Variants in ESRRG observed in about 807,000 individuals in gnomAD.
ESRRG encodes the protein estrogen related receptor gamma, also known as estrogen-related receptor gamma.
Under a neutral mutation model 44.0 loss-of-function variants are expected in ESRRG, and 13 were observed. The ratio of observed to expected loss-of-function variants is 0.30; its 90% confidence interval spans 0.19 to 0.47. The LOEUF is 0.47. ESRRG is among the 20% of genes least tolerant of loss of function. The pLI is 1.00. For missense variants in ESRRG, 395 were observed against 580.6 expected, an observed-to-expected ratio of 0.68 and a Z score of 3.29; for synonymous variants, 215 against 214.6, an observed-to-expected ratio of 1.00 and a Z score of -0.02.
chr1:216,913,739 G>T (rs979220535), intron 2 of ESRRG, among the ~76,000 whole-genome samples: 2 of 152,188 alleles, frequency 1.3e-5, no homozygotes, highest in Admixed American at 6.5e-5. Flanking sequence ...GATGTAGTGC[G>T]TGTGATAAGC....
intron 5 of ESRRG, among the ~76,000 whole-genome samples, chr1:216,563,043 G>T (rs1022689842): frequency 6.6e-6 from 1 of 152,074 alleles, no homozygotes; most frequent in African/African-American, 2.4e-5. Flanking sequence ...TTTATATGTA[G>T]TAATCCTTGT....
chr1:216,678,351 C>A (rs2076464552), intron 1 of ESRRG, among the ~76,000 whole-genome samples: 1 of 152,124 alleles, frequency 6.6e-6, no homozygotes, highest in Non-Finnish European at 1.5e-5. Context: ...CCTGTAAGTC[C>A]ACAAATCTGA....
intron 2 of ESRRG, among the ~76,000 whole-genome samples, chr1:216,832,969 A>G (rs533778863): frequency 5.6e-5 from 8 of 141,744 alleles, no homozygotes; most frequent in Non-Finnish European, 1.1e-4. Flanking sequence ...AGTGGGACTC[A>G]GTCAAAAAAA....
chr1:216,524,295 T>A (rs546546206), intron 5 of ESRRG, among the ~76,000 whole-genome samples: 133 of 141,744 alleles, frequency 9.4e-4, no homozygotes, highest in Non-Finnish European at 1.5e-3. Context: ...TATATATATA[T>A]ATACACACAC....
At chr1:216,785,655 C>T (rs569990450) in intron 2 of ESRRG, among the ~76,000 whole-genome samples, 6 of 152,008 alleles carry the variant, frequency 3.9e-5, no homozygotes, top group African/African-American at 7.2e-5. Context: ...CTGCATTCTC[C>T]GCAAGAGAAG....
At chr1:216,711,275 T>C (rs563100769) in intron 1 of ESRRG, among the ~76,000 whole-genome samples, 2 of 152,264 alleles carry the variant, frequency 1.3e-5, no homozygotes, top group Admixed American at 6.5e-5. Context: ...CTGGGGCACC[T>C]TTCCTGACTG....
At chr1:217,122,664 C>T (rs923134807) in intron 1 of ESRRG, among the ~76,000 whole-genome samples, 3 of 87,340 alleles carry the variant, frequency 3.4e-5, no homozygotes, top group African/African-American at 1.4e-4. Flanking sequence ...GACACACACA[C>T]TTTTTTTTTT....
chr1:216,659,276 C>T (rs1410697702), intron 2 of ESRRG, among the ~76,000 whole-genome samples: 1 of 152,126 alleles, frequency 6.6e-6, no homozygotes, highest in Non-Finnish European at 1.5e-5. Context: ...ATGAATATGC[C>T]ATTCACTCAG....
intron 1 of ESRRG, among the ~76,000 whole-genome samples, chr1:217,046,507 C>G (rs1157895352): frequency 6.6e-6 from 1 of 152,104 alleles, no homozygotes; most frequent in African/African-American, 2.4e-5. Flanking sequence ...AGCTTCATCT[C>G]TCATCAAGAA....
At chr1:216,939,515 G>A (rs1192373680) in intron 2 of ESRRG, 3 of 152,076 alleles carry the variant, frequency 2.0e-5, no homozygotes, top group East Asian at 1.9e-4. Context: ...TGTGTATCAC[G>A]TGGCATTATG....
intron 2 of ESRRG, among the ~76,000 whole-genome samples, chr1:216,827,500 T>C (rs1177505142): frequency 6.6e-6 from 1 of 152,200 alleles, no homozygotes; most frequent in African/African-American, 2.4e-5. Flanking sequence ...TTTCATCATC[T>C]ATAAAACAGG....
intron 1 of ESRRG, among the ~76,000 whole-genome samples, chr1:217,104,412 T>C (rs900334469): frequency 6.6e-6 from 1 of 152,202 alleles, no homozygotes; most frequent in Non-Finnish European, 1.5e-5. Context: ...GAAGCCTGGA[T>C]TCAGAAAGCC....
chr1:217,052,731 G>T (rs935395985), intron 1 of ESRRG, among the ~76,000 whole-genome samples: 4 of 152,116 alleles, frequency 2.6e-5, no homozygotes, highest in Admixed American at 1.3e-4. Flanking sequence ...TCCTATTGGG[G>T]TGAGGGATAA....
At chr1:216,599,129 T>A (rs561364936) in intron 3 of ESRRG, among the ~76,000 whole-genome samples, 19 of 152,110 alleles carry the variant, frequency 1.2e-4, no homozygotes, top group African/African-American at 4.6e-4. Context: ...ATATTAGAGG[T>A]TTAGATATTC....
chr1:216,836,893 A>G (rs61817889), intron 2 of ESRRG, among the ~76,000 whole-genome samples: 39,889 of 151,968 alleles, frequency 0.26, 5,492 homozygotes, highest in African/African-American at 0.34. Context: ...GCAGAGAAAT[A>G]ACTGAGAATA....
intron 2 of ESRRG, among the ~76,000 whole-genome samples, chr1:216,798,367 A>G (rs999615557): frequency 1.3e-5 from 2 of 152,156 alleles, no homozygotes; most frequent in Non-Finnish European, 2.9e-5. Flanking sequence ...AACAAATTCC[A>G]CTATAAGTAA....
intron 1 of ESRRG, among the ~76,000 whole-genome samples, chr1:217,063,684 G>C (rs1416217712): frequency 6.6e-6 from 1 of 152,160 alleles, no homozygotes; most frequent in African/African-American, 2.4e-5. Flanking sequence ...CACAGGGTGG[G>C]AAGAGGGACC....
intron 1 of ESRRG, among the ~76,000 whole-genome samples, chr1:216,968,244 G>T (rs2070867665): frequency 6.6e-6 from 1 of 152,068 alleles, no homozygotes; most frequent in South Asian, 2.1e-4. Context: ...TAAGTTTAAT[G>T]AAATCAATTA....
At chr1:216,657,217 T>C (rs1413543245) in intron 2 of ESRRG, among the ~76,000 whole-genome samples, 1 of 152,238 alleles carries the variant, frequency 6.6e-6, no homozygotes, top group African/African-American at 2.4e-5. Context: ...ATTCATATTA[T>C]GGAATAGTAA....
Sources: gnomAD v4.1 joint callset for allele counts (sites outside exome capture counted in the v4.1 genomes callset) on GRCh38, gnomAD v4.1.1 for gene constraint, MANE v1.5 for transcripts, NCBI Gene and HGNC (gene_info 2026-07-23, HGNC 2026-07-21) for gene names.